UNC79: variants seen among roughly 807,000 people sequenced by gnomAD.
UNC79 encodes the protein protein unc-79 homolog.
In UNC79, 37 loss-of-function variants were observed where a neutral mutation model predicts 283.1. That is an observed-to-expected ratio of 0.13 (90% CI 0.10 to 0.17). The LOEUF is 0.17. UNC79 is among the 10% of genes least tolerant of loss of function. The pLI is 1.00. For missense variants in UNC79, 2,272 were observed against 3,211.1 expected, an observed-to-expected ratio of 0.71 and a Z score of 7.07; for synonymous variants, 1,107 against 1,200.2, an observed-to-expected ratio of 0.92 and a Z score of 1.61.
intron 47 of UNC79, among the ~76,000 whole-genome samples, chr14:93,701,360 C>T (rs780154949): frequency 6.6e-6 from 1 of 152,124 alleles, no homozygotes; most frequent in African/African-American, 2.4e-5. Flanking sequence ...GTTTCATCAC[C>T]AATTTTAATT....
chr14:93,413,341 A>G (rs1406080348), intron 1 of UNC79, among the ~76,000 whole-genome samples: 1 of 151,800 alleles, frequency 6.6e-6, no homozygotes, highest in Admixed American at 6.6e-5. Flanking sequence ...CCATGTCCCT[A>G]CAAAGGACAT....
At chr14:93,368,308 T>C (rs1457128801) in intron 1 of UNC79, among the ~76,000 whole-genome samples, 1 of 152,208 alleles carries the variant, frequency 6.6e-6, no homozygotes, top group African/African-American at 2.4e-5. Flanking sequence ...TGTTCAGATT[T>C]TTAAAAATCT....
chr14:93,678,367 C>T (rs969769893), intron 41 of UNC79, among the ~76,000 whole-genome samples: 2 of 152,186 alleles, frequency 1.3e-5, no homozygotes, highest in Non-Finnish European at 2.9e-5. Flanking sequence ...GTCTGTTGCT[C>T]CAATGTTGCA....
intron 22 of UNC79, among the ~76,000 whole-genome samples, chr14:93,590,429 G>A (rs1227072163): frequency 6.6e-6 from 1 of 152,154 alleles, no homozygotes. Context: ...TGTGAAGTTC[G>A]AGACCATCAG....
intron 1 of UNC79, among the ~76,000 whole-genome samples, chr14:93,460,171 T>A (rs1231232464): frequency 1.7e-5 from 2 of 115,150 alleles, no homozygotes; most frequent in South Asian, 6.4e-4. Flanking sequence ...GCCACTGTAC[T>A]CCAGCCTGGG....
intron 26 of UNC79, among the ~76,000 whole-genome samples, chr14:93,606,675 T>G (rs1382400572): frequency 2.0e-5 from 3 of 152,228 alleles, no homozygotes; most frequent in African/African-American, 7.2e-5. Flanking sequence ...GATTTAAATT[T>G]AATTGCTGTT....
At chr14:93,659,531 C>T (rs909267638) in intron 39 of UNC79, among the ~76,000 whole-genome samples, 1 of 152,206 alleles carries the variant, frequency 6.6e-6, no homozygotes, top group Non-Finnish European at 1.5e-5. Context: ...TCCTTCTAAA[C>T]AGGATCTTAT....
At position 93,690,430 on chromosome 14, in the gene UNC79, C is replaced by A. The variant is rs2074593181; in HGVS notation, c.7272+127C>A. On this transcript the variant is annotated intron_variant, in intron 45 of 48. Transcript: ENST00000555664. This position sits in a 1 kb window ranked among gnomAD's most constrained non-coding sequence, Gnocchi z 4.3. ...TTTGCCCTCCTGTGGATGTTAGAAA[C>A]ACAACTTTGTGCTAATGTCTTATTT... The A allele has an allele frequency of 9.1e-7, 1 of 1,092,922 alleles. No individual in the cohort carries two copies. The allele number at this position is 1,092,922 out of a possible 1,614,324, so 67.7% of individuals were successfully genotyped here.
At chr14:93,618,139 G>A in intron 28 of UNC79, 53 bp from the exon 30 acceptor site, 2 of 1,559,708 alleles carry the variant, frequency 1.3e-6, no homozygotes, top group Non-Finnish European at 1.7e-6. Context: ...AGGTGGAAAA[G>A]CTTACCCTCT....
At chr14:93,598,365 C>CGTGTGTGTGTGTGTGT (rs71301930) in intron 24 of UNC79, among the ~76,000 whole-genome samples, 2 of 64,020 alleles carry the variant, frequency 3.1e-5, no homozygotes, top group African/African-American at 8.3e-5. Context: ...TATTGCATAA[C>CGTGTGTGTGTGTGTGT]GTGTGTGTGT....
chr14:93,390,289 C>T (rs1036657770), intron 1 of UNC79, among the ~76,000 whole-genome samples: 3 of 152,052 alleles, frequency 2.0e-5, no homozygotes, highest in African/African-American at 7.2e-5. Context: ...TAAAAACATT[C>T]AACAAATTAA....
rs368518992 is a variant in UNC79, at chr14:93,637,805, C to A, written c.5800+506C>A. On this transcript the variant is annotated intron_variant, in intron 32 of 48. Coordinates refer to ENST00000555664, the Ensembl canonical transcript of UNC79. ...GCTTATTCCCTCAGTCCTTTCTGGA[C>A]CAGACATTCCTAGGTCCTTCAGCAT... Among the ~76,000 whole-genome samples, 12 of 152,168 alleles carry A rather than the reference C, an allele frequency of 7.9e-5. 1 individual carries two copies. Among genetic ancestry groups the A allele is most frequent in the East Asian group, 5.8e-4 (3 of 5,192 alleles).
At chr14:93,574,558 A>G (rs1000695188) in intron 16 of UNC79, among the ~76,000 whole-genome samples, 1 of 152,262 alleles carries the variant, frequency 6.6e-6, no homozygotes, top group African/African-American at 2.4e-5. Context: ...TATAAAGGTT[A>G]AGAAAGCAGA....
At chr14:93,534,458 A>G (rs2060974538) in intron 11 of UNC79, among the ~76,000 whole-genome samples, 1 of 152,130 alleles carries the variant, frequency 6.6e-6, no homozygotes, top group African/African-American at 2.4e-5. Context: ...ATTTTTAGTG[A>G]ATCTCATTGG....
chr14:93,405,498 AAAGT>A (rs1477064600), intron 1 of UNC79, among the ~76,000 whole-genome samples: 1 of 152,220 alleles, frequency 6.6e-6, no homozygotes, highest in Non-Finnish European at 1.5e-5. Flanking sequence ...AAAGTTAACA[AAAGT>A]AACCCTCTTT....
chr14:93,409,915 G>A (rs188302019), intron 1 of UNC79, among the ~76,000 whole-genome samples: 3 of 152,298 alleles, frequency 2.0e-5, no homozygotes, highest in Admixed American at 2.0e-4. Context: ...TGGCTGAATA[G>A]AGGCTTCACC....
At chr14:93,618,706 T>G (rs1186618164) in intron 29 of UNC79, among the ~76,000 whole-genome samples, 1 of 152,264 alleles carries the variant, frequency 6.6e-6, no homozygotes, top group African/African-American at 2.4e-5. Flanking sequence ...AGCCATTCTT[T>G]GTAGGTCTCT....
intron 14 of UNC79, among the ~76,000 whole-genome samples, chr14:93,564,017 C>T (rs1212678914): frequency 6.6e-6 from 1 of 152,130 alleles, no homozygotes; most frequent in East Asian, 1.9e-4. Context: ...AGCCACTGCA[C>T]GGAGGCATGA....
intron 1 of UNC79, among the ~76,000 whole-genome samples, chr14:93,414,950 G>A (rs61992566): frequency 0.041 from 6,309 of 152,260 alleles, 178 homozygotes; most frequent in Middle Eastern, 0.078. Context: ...TAGATACACA[G>A]TCATGTCATC....
Sources: gnomAD v4.1 joint callset for allele counts (sites outside exome capture counted in the v4.1 genomes callset) on GRCh38, gnomAD v4.1.1 for gene constraint, Gnocchi (gnomAD v3.1) non-coding constraint, MANE v1.5 for transcripts, NCBI Gene and HGNC (gene_info 2026-07-23, HGNC 2026-07-21) for gene names.